Variants in WDR27 observed in about 807,000 individuals in gnomAD.
WDR27 encodes WD repeat-containing protein 27.
A neutral mutation model predicts 114.4 loss-of-function variants in WDR27; 100 were observed. The observed-to-expected ratio is 0.87, with a 90% confidence interval of 0.74 to 1.03. The LOEUF is 1.03. Ranked by LOEUF, WDR27 falls within the 50% of genes least tolerant of loss-of-function variation. The pLI is 0.00. For synonymous variants in WDR27, 449 were observed against 423.1 expected, an observed-to-expected ratio of 1.06 and a Z score of -0.75; for missense variants, 1,129 against 1,092.9, an observed-to-expected ratio of 1.03 and a Z score of -0.47.
At position 169,503,486 on chromosome 6, in the gene WDR27, G is replaced by A. The variant is rs143336429; in HGVS notation, c.2646-45852C>T. On this transcript the variant is annotated intron_variant, in intron 25 of 25. Coordinates refer to ENST00000448612, the MANE Select transcript of WDR27 (RefSeq NM_182552.5). ...AACATTTCTGGGAAGAAATAAGAGT[G>A]AAGGAGTTCAGGGAACAGGATTCTC... is the stretch of plus-strand genomic sequence containing the variant. 1.3e-4 allele frequency among the ~76,000 whole-genome samples: 20 copies of A among 152,320 alleles called. 1 individual carries two copies. In the East Asian group the frequency reaches 3.9e-3, roughly 29 times the overall value.
At chr6:169,450,211 T>G in the WDR27 span, among the ~76,000 whole-genome samples, 1 of 152,178 alleles carries the variant, frequency 6.6e-6, no homozygotes, top group Non-Finnish European at 1.5e-5. Context: ...GTCCGACAGC[T>G]GCCAGCGGGG....
In WDR27 at chr6:169,664,612, C is replaced by G. The variant is rs559625896; in HGVS notation, c.784-326G>C. ...TGCACACACCCCACAGCTTCACAGC[C>G]AAGAGCACGTCCCACATGCCCTGGG... is the stretch of plus-strand genomic sequence containing the variant. On this transcript the variant is annotated intron_variant, in intron 7 of 25. Coordinates refer to ENST00000448612, the MANE Select transcript of WDR27 (RefSeq NM_182552.5). 3,266 of 1,150,928 alleles carry G rather than the reference C, an allele frequency of 2.8e-3. 2 individuals carry two copies. Among genetic ancestry groups the G allele is most frequent in the Middle Eastern group, 5.2e-3 (14 of 2,714 alleles). The allele number at this position is 1,150,928 out of a possible 1,614,324, so 71.3% of individuals were successfully genotyped here. A position where few individuals can be genotyped will look rare whatever the true frequency, so the allele number is the denominator to read the frequency against.
chr6:169,630,386 G>C (rs1235309119), intron 21 of WDR27, among the ~76,000 whole-genome samples: 1 of 152,184 alleles, frequency 6.6e-6, no homozygotes, highest in Admixed American at 6.5e-5. Context: ...CAAGTGAACA[G>C]ATTCCAGGTT....
intron 25 of WDR27, among the ~76,000 whole-genome samples, chr6:169,566,086 ATTG>A (rs1225758017): frequency 8.0e-6 from 1 of 124,778 alleles, no homozygotes. Flanking sequence ...TTTGTAATGT[ATTG>A]TTACTCGTTA....
In WDR27 at chr6:169,638,526, G is replaced by A; in HGVS notation, c.1869+13C>T. On this transcript the variant is annotated intron_variant, in intron 18 of 25. Coordinates refer to ENST00000448612, the MANE Select transcript of WDR27 (RefSeq NM_182552.5). ...GGAAATGACTGCCCATGGCAGAGAT[G>A]ACTGTCCATTACCAGAAGCAGTGCG... 1 of 1,610,458 alleles carries A rather than the reference G, an allele frequency of 6.2e-7. No individual in the cohort carries two copies. The highest frequency in any genetic ancestry group is 8.5e-7 in the Non-Finnish European group (1 of 1,178,926).
rs1294184784 is a variant in WDR27 at position 169,633,007 on chromosome 6, G to A, written c.2163C>T (p.Cys721=). 3 of 1,598,828 alleles carry A rather than the reference G, an allele frequency of 1.9e-6. No homozygotes were observed. Among genetic ancestry groups the A allele is most frequent in the African/African-American group, 2.7e-5 (2 of 74,690 alleles). The part of the protein sequence containing the change: ...TVEVFDLNAG[C]SAAVIAEAHS... The stretch of plus-strand genomic sequence containing the variant: ...GGGCTTCCGCTATCACCGCTGCACT[G>A]CAGCCGGCGTTGAGGTCAAACACTT... Residue 721 remains cysteine, a synonymous_variant, in exon 21 of 26, where the codon TGC becomes TGT. Transcript: ENST00000448612.
At chr6:169,434,355 C>G in the WDR27 span, among the ~76,000 whole-genome samples, 49 of 152,120 alleles carry the variant, frequency 3.2e-4, no homozygotes, top group African/African-American at 1.1e-3. Flanking sequence ...CTTTCCCCAT[C>G]GCTTTTGTCA....
chr6:169,565,299 T>G (rs2128120431), intron 25 of WDR27, among the ~76,000 whole-genome samples: 1 of 152,326 alleles, frequency 6.6e-6, no homozygotes, highest in African/African-American at 2.4e-5. Context: ...AAGATTAAAC[T>G]TTAGTCACTC....
At chr6:169,633,696 A>G (rs906940359) in intron 20 of WDR27, among the ~76,000 whole-genome samples, 1 of 152,210 alleles carries the variant, frequency 6.6e-6, no homozygotes, top group Non-Finnish European at 1.5e-5. Context: ...AGAGACCCGT[A>G]ATGCTGGTGT....
chr6:169,528,006 G>C (rs1484370198), intron 25 of WDR27, among the ~76,000 whole-genome samples: 2 of 151,922 alleles, frequency 1.3e-5, no homozygotes. Context: ...TTCCTAACTG[G>C]GTACCTCACT....
chr6:169,528,358 G>A (rs374616223), intron 25 of WDR27, among the ~76,000 whole-genome samples: 5 of 151,902 alleles, frequency 3.3e-5, no homozygotes, highest in South Asian at 2.1e-4. Flanking sequence ...CATTTTTTGC[G>A]GTCTAACAAC....
At chr6:169,488,948 T>TTA (rs1170620551) in intron 25 of WDR27, among the ~76,000 whole-genome samples, 1 of 143,242 alleles carries the variant, frequency 7.0e-6, no homozygotes, top group Non-Finnish European at 1.5e-5. Context: ...GATGCCCCCT[T>TTA]TTTTTTTTTT....
At chr6:169,588,339 G>T (rs1232517909) in intron 23 of WDR27, among the ~76,000 whole-genome samples, 1 of 152,202 alleles carries the variant, frequency 6.6e-6, no homozygotes, top group African/African-American at 2.4e-5. Context: ...TTTTTAAAAA[G>T]ATGTGTGTAT....
chr6:169,519,952 G>C (rs1794161333), intron 25 of WDR27, among the ~76,000 whole-genome samples: 1 of 152,064 alleles, frequency 6.6e-6, no homozygotes, highest in African/African-American at 2.4e-5. Flanking sequence ...AAGTGAGATT[G>C]AGGTGGACGA....
At chr6:169,469,534 A>T (rs1168989179) in intron 25 of WDR27, among the ~76,000 whole-genome samples, 3 of 152,240 alleles carry the variant, frequency 2.0e-5, no homozygotes, top group Non-Finnish European at 4.4e-5. Flanking sequence ...GAGCAGGGAC[A>T]TTCCTGACCC....
chr6:169,626,228 G>A (rs142499325), intron 21 of WDR27, among the ~76,000 whole-genome samples: 26 of 152,328 alleles, frequency 1.7e-4, no homozygotes, highest in African/African-American at 4.8e-4. Flanking sequence ...GACAGAAGAC[G>A]GCAGCGCTAG....
intron 9 of WDR27, among the ~76,000 whole-genome samples, chr6:169,661,978 G>A (rs942413070): frequency 6.6e-6 from 1 of 152,178 alleles, no homozygotes; most frequent in Non-Finnish European, 1.5e-5. Context: ...ATAGCACAGC[G>A]GTAGATGGGA....
intron 2 of WDR27, among the ~76,000 whole-genome samples, chr6:169,676,622 C>A (rs1007234160): frequency 2.0e-5 from 3 of 152,182 alleles, no homozygotes; most frequent in Non-Finnish European, 2.9e-5. Flanking sequence ...AAGCCTGCCA[C>A]CTGGAGGCTT....
chr6:169,625,266 T>C (rs1814504762), intron 21 of WDR27, among the ~76,000 whole-genome samples: 1 of 152,208 alleles, frequency 6.6e-6, no homozygotes, highest in African/African-American at 2.4e-5. Context: ...ACCGACTGTA[T>C]GCTAGTAACG....
Sources: gnomAD v4.1 joint callset for allele counts (sites outside exome capture counted in the v4.1 genomes callset) on GRCh38, gnomAD v4.1.1 for gene constraint, MANE v1.5 for transcripts, NCBI Gene and HGNC (gene_info 2026-07-23, HGNC 2026-07-21) for gene names.